Variants in NRBP1 observed in about 807,000 individuals in gnomAD.
The protein encoded by NRBP1 is nuclear receptor-binding protein.
NRBP1 carries 10 observed loss-of-function variants against 76.0 expected under a neutral mutation model. The ratio of observed to expected loss-of-function variants is 0.13; its 90% CI spans 0.08 to 0.22. The LOEUF (loss-of-function observed/expected upper bound fraction) is 0.22. NRBP1 is among the 10% of genes least tolerant of loss of function. The pLI is 1.00. For synonymous variants in NRBP1, 235 were observed against 240.2 expected, an observed-to-expected ratio of 0.98 and a Z score of 0.20; for missense variants, 344 against 646.0, an observed-to-expected ratio of 0.53 and a Z score of 5.07.
At chr2:27,441,240 TCA>T (rs1254381759) in intron 15 of NRBP1, 25 bp from the exon 16 acceptor site, 1 of 1,613,764 alleles carries the variant, frequency 6.2e-7, no homozygotes, top group East Asian at 2.2e-5. Context: ...AAGAAAAGTC[TCA>T]TTTTCTGACT....
At chr2:27,437,634 G>T (rs1270962997) in intron 10 of NRBP1, among the ~76,000 whole-genome samples, 1 of 152,154 alleles carries the variant, frequency 6.6e-6, no homozygotes. Context: ...CACTTTGGGA[G>T]GCCGAGGCGG....
At chr2:27,436,711 C>T in intron 7 of NRBP1, 42 bp from the exon 8 acceptor site, 2 of 1,555,052 alleles carry the variant, frequency 1.3e-6, no homozygotes, top group East Asian at 2.2e-5. Context: ...GACTATTCTT[C>T]ATTGATGATG....
chr2:27,434,639 G>A, intron 5 of NRBP1, 79 bp downstream of exon 5: 1 of 1,594,202 alleles, frequency 6.3e-7, no homozygotes. Context: ...TAATGAAGCT[G>A]ATCAGGAAGG....
At chr2:27,439,258 C>A (rs142869465) in intron 10 of NRBP1, among the ~76,000 whole-genome samples, 1 of 151,864 alleles carries the variant, frequency 6.6e-6, no homozygotes, top group African/African-American at 2.4e-5. Flanking sequence ...GAGGCTGAGG[C>A]GGGTGGATCA....
At chr2:27,435,556 T>C in intron 7 of NRBP1, 1 of 657,450 alleles carries the variant, frequency 1.5e-6, no homozygotes, top group Non-Finnish European at 2.8e-6. Context: ...CTGTTCCTGC[T>C]GTGAGTGCTT....
rs1305697519 is a variant in NRBP1, at chr2:27,440,971, A to G, written c.1329+31A>G. ...GGCTGTGTGGGTGTGGATTGTCTCCATGGTTGTGGTGGAAGGGAGAGAGGA... is the reference window on the plus strand; with the variant it reads ...GGCTGTGTGGGTGTGGATTGTCTCCGTGGTTGTGGTGGAAGGGAGAGAGGA... On this transcript the variant is annotated intron_variant, in intron 14 of 17. Coordinates refer to ENST00000379852, the MANE Select transcript of NRBP1 (RefSeq NM_013392.4). The G allele has an allele frequency of 5.0e-6, 8 of 1,612,402 alleles. No individual in the cohort carries two copies. The African/African-American group carries it at 5.3e-5, about 11-fold the overall frequency.
At position 27,435,263 on chromosome 2, in the gene NRBP1, C is replaced by T. The variant is rs188889868; in HGVS notation, c.661+36C>T. 1.7e-3 allele frequency: 2,677 copies of T among 1,579,440 alleles called. 2 individuals are homozygous for T. Among genetic ancestry groups the T allele is most frequent in the Non-Finnish European group, 2.1e-3 (2,438 of 1,150,884 alleles). On this transcript the variant is annotated intron_variant, in intron 7 of 17. Coordinates refer to ENST00000379852, the MANE Select transcript of NRBP1 (RefSeq NM_013392.4). ...GGAGAGGTTCTGGGCAGGGGAGCCT[C>T]GGGAATTTGGGAACCATGGGGGTAA...
At chr2:27,429,376 G>C (rs531466071) in intron 1 of NRBP1, 46 of 152,490 alleles carry the variant, frequency 3.0e-4, no homozygotes, top group African/African-American at 1.1e-3. Flanking sequence ...GGTGAGGACA[G>C]CTGAGAGGCC....
intron 6 of NRBP1, 163 bp from the exon 7 acceptor site, chr2:27,434,970 G>A: frequency 1.5e-6 from 1 of 659,152 alleles, no homozygotes; most frequent in Middle Eastern, 4.1e-4. Flanking sequence ...TTCTCCTAGT[G>A]CTTATCCAGC....
At chr2:27,435,105 C>T in intron 6 of NRBP1, 28 bp from the exon 7 acceptor site, 1 of 1,530,564 alleles carries the variant, frequency 6.5e-7, no homozygotes, top group East Asian at 2.2e-5. Flanking sequence ...TTCCCAGTGG[C>T]CCCTCTAACA....
chr2:27,428,666 T>G lies in NRBP1; in HGVS notation c.-86T>G, dbSNP rs1663963290. On this transcript the variant is annotated 5_prime_UTR_variant, in exon 1 of 18. Transcript: ENST00000379852. ...CGGAGCGCAGCTGTGAGGGAGTCGC[T>G]GTGATCCGGGGCCCCGGAACCCGAG... 2.5e-6 allele frequency: 1 copy of G among 397,664 alleles called. No homozygotes were observed. Among genetic ancestry groups the G allele is most frequent in the Non-Finnish European group, 4.4e-6 (1 of 225,580 alleles). 24.6% of individuals were successfully genotyped at this position (397,664 alleles called of 1,614,324 possible).
chr2:27,441,241 C>A (rs776947094), intron 15 of NRBP1, 26 bp from the exon 16 acceptor site: 6 of 1,613,796 alleles, frequency 3.7e-6, no homozygotes, highest in East Asian at 4.5e-5. Flanking sequence ...AGAAAAGTCT[C>A]ATTTTCTGAC....
At chr2:27,439,164 A>C (rs1272982568) in intron 10 of NRBP1, among the ~76,000 whole-genome samples, 1 of 152,104 alleles carries the variant, frequency 6.6e-6, no homozygotes, top group Non-Finnish European at 1.5e-5. Flanking sequence ...TGAGTTGACT[A>C]ATAAAGCAGA....
intron 1 of NRBP1, among the ~76,000 whole-genome samples, chr2:27,430,863 T>G (rs1664086894): frequency 6.6e-6 from 1 of 152,220 alleles, no homozygotes; most frequent in Admixed American, 6.5e-5. Flanking sequence ...TAACATTAAG[T>G]GGTTGTCTTG....
rs1313435812 is a variant in NRBP1, at chr2:27,433,394, G to C, written c.121G>C (p.Ala41Pro). The stretch of plus-strand genomic sequence containing the variant: ...TCCTGTGACCTCCACAACCTCAGCT[G>C]CTTCCCCAGAGGAAGAAGAAGAAAG... ...SPPVTSTTSA[A>P]SPEEEEESED... Residue 41 changes from alanine to proline, a missense_variant, in exon 2 of 18, where the codon GCT becomes CCT. By Grantham distance (27) the Ala-to-Pro change is conservative. Transcript: ENST00000379852. 2 of 1,614,130 alleles carry C rather than the reference G, an allele frequency of 1.2e-6. No homozygotes were observed. The highest frequency in any genetic ancestry group is 1.3e-5 in the African/African-American group (1 of 74,952).
intron 7 of NRBP1, chr2:27,435,647 G>A: frequency 2.8e-6 from 2 of 717,428 alleles, no homozygotes; most frequent in South Asian, 3.0e-5. Flanking sequence ...ATTTGTCTGG[G>A]GCTTGGCTGC....
rs1176224494 is a variant in NRBP1, at chr2:27,428,635, G to A, written c.-117G>A. The A allele has an allele frequency of 2.5e-6, 1 of 398,062 alleles. No homozygotes were observed. The highest frequency in any genetic ancestry group is 4.4e-6 in the Non-Finnish European group (1 of 225,650). 24.7% of individuals were successfully genotyped at this position (398,062 alleles called of 1,614,324 possible). A position where few individuals can be genotyped will look rare whatever the true frequency, so the allele number is the denominator to read the frequency against. ...CGAGGGCGGGGCCCGCAGTTCGGTT[G>A]CGCTGCGGAGCGCAGCTGTGAGGGA... On this transcript the variant is annotated 5_prime_UTR_variant, in exon 1 of 18. Coordinates refer to ENST00000379852, the MANE Select transcript of NRBP1 (RefSeq NM_013392.4).
Position 27,441,869 on chromosome 2 carries a change from C to A in NRBP1, c.*57C>A. 1.0e-6 allele frequency: 1 copy of A among 988,192 alleles called. No individual in the cohort carries two copies. Among genetic ancestry groups the A allele is most frequent in the Non-Finnish European group, 1.6e-6 (1 of 633,130 alleles). The allele number at this position is 988,192 out of a possible 1,614,324, so 61.2% of individuals were successfully genotyped here. A position where few individuals can be genotyped will look rare whatever the true frequency, so the allele number is the denominator to read the frequency against. ...GTGGCTGTCCCTGGACGTGCTGCAG[C>A]CCTCCTGTCCCTTCCCCCCAGTCAG... On this transcript the variant is annotated 3_prime_UTR_variant, in exon 18 of 18. Transcript: ENST00000379852.
chr2:27,433,292 C>A lies in NRBP1; in HGVS notation c.19C>A (p.Gln7Lys). ...TTCCAGCATGTCGGAGGGGGAGTCC[C>A]AGACAGTACTTAGCAGTGGCTCAGA... is the stretch of plus-strand genomic sequence containing the variant. Reference protein sequence around the residue: MSEGESQTVLSSGSDPK... With the variant: MSEGESKTVLSSGSDPK... Residue 7 changes from glutamine (Q) to lysine (K), a missense_variant, in exon 2 of 18, where the codon CAG (glutamine) becomes AAG (lysine). By Grantham distance (53) the Gln-to-Lys change is moderately conservative. Coordinates refer to ENST00000379852, the MANE Select transcript of NRBP1 (RefSeq NM_013392.4). 1 of 1,613,978 alleles carries A rather than the reference C, an allele frequency of 6.2e-7. No homozygotes were observed. The highest frequency in any genetic ancestry group is 1.1e-5 in the South Asian group (1 of 91,070).
Sources: gnomAD v4.1 joint callset for allele counts (sites outside exome capture counted in the v4.1 genomes callset) on GRCh38, gnomAD v4.1.1 for gene constraint, MANE v1.5 for transcripts, NCBI Gene and HGNC (gene_info 2026-07-23, HGNC 2026-07-21) for gene names.